The following LRMDA variants were observed in gnomAD, a reference collection of about 807,000 sequenced individuals.
LRMDA encodes the protein leucine rich melanocyte differentiation associated, also known as leucine-rich melanocyte differentiation-associated protein.
In LRMDA, 18 loss-of-function variants were observed where a neutral mutation model predicts 29.8. The ratio of observed to expected loss-of-function variants is 0.60; its 90% CI spans 0.42 to 0.90. The LOEUF (loss-of-function observed/expected upper bound fraction) is 0.90. Among genes scored for constraint, LRMDA ranks in the 40% least tolerant of loss-of-function variants. LRMDA has a pLI of 0.00. For synonymous variants in LRMDA, 125 were observed against 109.4 expected (o/e 1.14, Z -0.89); for missense variants, 273 against 273.9 (o/e 1.00, Z 0.02).
intron 5 of LRMDA, among the ~76,000 whole-genome samples, chr10:76,303,473 G>A (rs527996523): frequency 5.9e-5 from 9 of 152,090 alleles, no homozygotes; most frequent in Admixed American, 3.9e-4. Flanking sequence ...CCCGTCCAGC[G>A]CTCACTTGCT....
intron 5 of LRMDA, among the ~76,000 whole-genome samples, chr10:76,258,352 A>G (rs1839893234): frequency 6.6e-6 from 1 of 152,142 alleles, no homozygotes; most frequent in Non-Finnish European, 1.5e-5. Flanking sequence ...ACTTGTACAT[A>G]TTTATGGGAT....
chr10:76,381,570 C>T lies in LRMDA; in HGVS notation c.601+57085C>T, dbSNP rs188712380. 1.1e-3 allele frequency among the ~76,000 whole-genome samples: 169 copies of T among 152,246 alleles called. 1 individual carries two copies. Among genetic ancestry groups the T allele is most frequent in the Non-Finnish European group, 1.7e-3 (117 of 67,994 alleles). ...TGGAGTGTCCCTTTCTTATCACTAACTACCCTCTCCTCACATGGAAGTAGA... is the reference window on the plus strand; with the variant it reads ...TGGAGTGTCCCTTTCTTATCACTAATTACCCTCTCCTCACATGGAAGTAGA... On this transcript the variant is annotated intron_variant, in intron 6 of 6. Transcript: ENST00000611255.
intron 5 of LRMDA, among the ~76,000 whole-genome samples, chr10:76,289,167 C>G (rs1470704794): frequency 6.6e-6 from 1 of 152,062 alleles, no homozygotes; most frequent in African/African-American, 2.4e-5. Context: ...CAAACTTGGC[C>G]TGTGTGGTGC....
At chr10:76,385,919 T>C (rs12260618) in intron 6 of LRMDA, among the ~76,000 whole-genome samples, 13,765 of 152,230 alleles carry the variant, frequency 0.09, 799 homozygotes, top group East Asian at 0.31. Flanking sequence ...AAATATTTGC[T>C]GCTAATGATA....
chr10:76,156,073 A>G (rs1187561836), intron 5 of LRMDA, among the ~76,000 whole-genome samples: 2 of 152,198 alleles, frequency 1.3e-5, no homozygotes, highest in Non-Finnish European at 2.9e-5. Context: ...GTGCTGGAAG[A>G]AAGTAACTCA....
At chr10:75,680,738 G>A (rs1452683530) in intron 2 of LRMDA, among the ~76,000 whole-genome samples, 3 of 152,062 alleles carry the variant, frequency 2.0e-5, no homozygotes, top group Non-Finnish European at 4.4e-5. Context: ...GGCTGGGTGC[G>A]GTGGCCCACA....
intron 2 of LRMDA, among the ~76,000 whole-genome samples, chr10:76,008,042 G>T (rs973358993): frequency 6.6e-6 from 1 of 152,100 alleles, no homozygotes; most frequent in African/African-American, 2.4e-5. Context: ...CAAGTGGCAG[G>T]CATTAGAAAT....
At chr10:75,822,088 C>G (rs1200078928) in intron 2 of LRMDA, among the ~76,000 whole-genome samples, 4 of 151,918 alleles carry the variant, frequency 2.6e-5, no homozygotes, top group Admixed American at 2.6e-4. Flanking sequence ...AACCATAAAC[C>G]CTCCTAGAAA....
intron 5 of LRMDA, among the ~76,000 whole-genome samples, chr10:76,063,437 C>T (rs559221801): frequency 4.6e-5 from 7 of 152,156 alleles, no homozygotes; most frequent in East Asian, 1.9e-4. Context: ...AAGTGGCGAG[C>T]GATTTCCTTT....
intron 2 of LRMDA, among the ~76,000 whole-genome samples, chr10:75,597,056 C>G (rs936852357): frequency 2.0e-5 from 3 of 149,378 alleles, no homozygotes; most frequent in African/African-American, 7.4e-5. Context: ...TGCTTTCTCT[C>G]TTTGAGTCCC....
chr10:75,806,707 G>C (rs1277683715), intron 2 of LRMDA, among the ~76,000 whole-genome samples: 3 of 149,808 alleles, frequency 2.0e-5, no homozygotes, highest in East Asian at 2.0e-4. Flanking sequence ...ACAAATTGCA[G>C]GCTACCTCAA....
chr10:75,495,226 CTCTT>C (rs766012073), intron 2 of LRMDA, among the ~76,000 whole-genome samples: 1 of 152,110 alleles, frequency 6.6e-6, no homozygotes, highest in Non-Finnish European at 1.5e-5. Flanking sequence ...TCCTGTCTCT[CTCTT>C]TCTGTCTCCT....
At chr10:76,252,696 C>A (rs1414159614) in intron 5 of LRMDA, among the ~76,000 whole-genome samples, 2 of 152,168 alleles carry the variant, frequency 1.3e-5, no homozygotes, top group Non-Finnish European at 2.9e-5. Context: ...TTCTGCCTGT[C>A]TTAAACTCAT....
chr10:75,822,009 G>T (rs915291462), intron 2 of LRMDA, among the ~76,000 whole-genome samples: 2 of 152,074 alleles, frequency 1.3e-5, no homozygotes, highest in Non-Finnish European at 2.9e-5. Context: ...AGAAATAAAA[G>T]TCATCTTAAT....
At chr10:76,312,725 A>C (rs1345466285) in intron 5 of LRMDA, among the ~76,000 whole-genome samples, 1 of 151,886 alleles carries the variant, frequency 6.6e-6, no homozygotes, top group Admixed American at 6.6e-5. Context: ...TCGGATTATA[A>C]TGAAGCTAGG....
chr10:75,940,564 G>A (rs544554179), intron 2 of LRMDA, among the ~76,000 whole-genome samples: 2 of 152,186 alleles, frequency 1.3e-5, no homozygotes, highest in South Asian at 4.1e-4. Context: ...TTCCACATTG[G>A]CACTTGGCAC....
At chr10:76,305,190 C>T (rs930506816) in intron 5 of LRMDA, among the ~76,000 whole-genome samples, 1 of 152,086 alleles carries the variant, frequency 6.6e-6, no homozygotes, top group Non-Finnish European at 1.5e-5. Context: ...GTTTCTGTGG[C>T]CGTGTTTACC....
intron 5 of LRMDA, among the ~76,000 whole-genome samples, chr10:76,198,799 T>A (rs1413682029): frequency 6.6e-6 from 1 of 152,222 alleles, no homozygotes; most frequent in Non-Finnish European, 1.5e-5. Flanking sequence ...TTGTAGAGTG[T>A]ATTTCTTTAA....
At chr10:75,438,542 T>G (rs1844288818) in intron 2 of LRMDA, 48 bp downstream of exon 2, 2 of 1,434,572 alleles carry the variant, frequency 1.4e-6, no homozygotes, top group African/African-American at 1.4e-5. Flanking sequence ...GGCCCAGTCC[T>G]CCTGGGTACT....
Sources: allele counts gnomAD v4.1 joint callset (sites outside exome capture counted in the v4.1 genomes callset), GRCh38; gene constraint gnomAD v4.1.1; transcripts MANE v1.5; gene names NCBI Gene and HGNC (gene_info 2026-07-23, HGNC 2026-07-21).